IQSEC1: variants seen among roughly 807,000 people sequenced by gnomAD.
IQSEC1 encodes the protein IQ motif and SEC7 domain-containing protein 1.
In IQSEC1, 31 loss-of-function variants were observed where a neutral mutation model predicts 91.0. That is an observed-to-expected ratio of 0.34 (90% CI 0.26 to 0.46). The LOEUF (loss-of-function observed/expected upper bound fraction) is 0.46. Ranked by LOEUF, IQSEC1 falls within the 20% of genes least tolerant of loss-of-function variation. The pLI is 1.00. For synonymous variants in IQSEC1, 699 were observed against 662.6 expected, an observed-to-expected ratio of 1.05 and a Z score of -0.84; for missense variants, 1,388 against 1,575.6, an observed-to-expected ratio of 0.88 and a Z score of 2.02.
intron 1 of IQSEC1, among the ~76,000 whole-genome samples, chr3:12,963,317 G>T (rs1348783349): frequency 2.0e-5 from 3 of 152,248 alleles, no homozygotes; most frequent in Admixed American, 2.0e-4. Flanking sequence ...GAGCAGCGAA[G>T]CTGCAGGTAC....
At chr3:13,066,389 C>T (rs554216350) in intron 1 of IQSEC1, among the ~76,000 whole-genome samples, 3 of 152,360 alleles carry the variant, frequency 2.0e-5, no homozygotes, top group East Asian at 1.9e-4. Flanking sequence ...ACAGAGGGGC[C>T]GGCACTGTGT....
At chr3:13,093,250 G>T (rs73812881) in intron 2 of IQSEC1, among the ~76,000 whole-genome samples, 3,058 of 152,192 alleles carry the variant, frequency 0.02, 112 homozygotes, top group African/African-American at 0.069. Context: ...CTCAGCCAGA[G>T]CCTCAGCCCC....
chr3:13,240,826 C>T (rs1342738843), intron 1 of IQSEC1, among the ~76,000 whole-genome samples: 1 of 152,176 alleles, frequency 6.6e-6, no homozygotes, highest in Non-Finnish European at 1.5e-5. Context: ...ATGATAAATC[C>T]GACACACTTT....
intron 6 of IQSEC1, among the ~76,000 whole-genome samples, chr3:12,916,153 C>T (rs944263344): frequency 4.6e-5 from 7 of 152,210 alleles, no homozygotes; most frequent in Admixed American, 1.3e-4. Context: ...GGGGCCACGT[C>T]CTACTTTCAC....
intron 1 of IQSEC1, among the ~76,000 whole-genome samples, chr3:12,984,054 G>A (rs1181028469): frequency 6.6e-6 from 1 of 152,190 alleles, no homozygotes; most frequent in Non-Finnish European, 1.5e-5. Flanking sequence ...AGCTGGAACT[G>A]AGATAGGGAC....
At chr3:12,982,153 C>G (rs183683454) in intron 1 of IQSEC1, among the ~76,000 whole-genome samples, 1 of 152,122 alleles carries the variant, frequency 6.6e-6, no homozygotes, top group Non-Finnish European at 1.5e-5. Flanking sequence ...TGCCAAAATC[C>G]CCCCCATTCT....
intron 1 of IQSEC1, among the ~76,000 whole-genome samples, chr3:13,175,847 C>T (rs1693717962): frequency 6.6e-6 from 1 of 152,180 alleles, no homozygotes; most frequent in South Asian, 2.1e-4. Flanking sequence ...CCTCTCGGGT[C>T]CTTTATAAGG....
chr3:13,074,448 C>T (rs370378387), upstream of IQSEC1, among the ~76,000 whole-genome samples: 5 of 152,226 alleles, frequency 3.3e-5, no homozygotes, highest in African/African-American at 9.7e-5. Flanking sequence ...GTCTGATGTT[C>T]ATCTGATCCT....
At chr3:13,110,188 A>C (rs1706219913) in intron 2 of IQSEC1, among the ~76,000 whole-genome samples, 1 of 151,830 alleles carries the variant, frequency 6.6e-6, no homozygotes, top group South Asian at 2.1e-4. Flanking sequence ...GGCTGGATTA[A>C]ATTCGTTTTT....
At chr3:12,956,360 G>A (rs1397381772) in intron 1 of IQSEC1, among the ~76,000 whole-genome samples, 2 of 152,166 alleles carry the variant, frequency 1.3e-5, no homozygotes, top group East Asian at 1.9e-4. Flanking sequence ...ACCAATTCCC[G>A]AGAGGCAGGG....
intron 1 of IQSEC1, among the ~76,000 whole-genome samples, chr3:13,184,531 T>C (rs957586539): frequency 6.6e-5 from 10 of 152,050 alleles, no homozygotes; most frequent in Non-Finnish European, 2.9e-5. Flanking sequence ...TCCCCTAAGA[T>C]CGAGAACCGG....
At chr3:13,250,283 C>T (rs1454196470) in intron 1 of IQSEC1, among the ~76,000 whole-genome samples, 4 of 152,180 alleles carry the variant, frequency 2.6e-5, no homozygotes, top group Non-Finnish European at 5.9e-5. Flanking sequence ...CAGCGGCACA[C>T]ACAGGAAGCA....
At chr3:13,119,753 T>A (rs1706393547) in intron 2 of IQSEC1, among the ~76,000 whole-genome samples, 1 of 152,202 alleles carries the variant, frequency 6.6e-6, no homozygotes, top group African/African-American at 2.4e-5. Context: ...TTGTGATGGA[T>A]GACACCGAAG....
At chr3:13,125,449 G>T (rs879843899) in intron 2 of IQSEC1, among the ~76,000 whole-genome samples, 1 of 152,166 alleles carries the variant, frequency 6.6e-6, no homozygotes, top group Non-Finnish European at 1.5e-5. Flanking sequence ...CCTCCTTCAC[G>T]GTCTGTCCCG....
chr3:13,129,706 G>A (rs1054195030), intron 2 of IQSEC1, among the ~76,000 whole-genome samples: 3 of 143,740 alleles, frequency 2.1e-5, no homozygotes, highest in African/African-American at 7.9e-5. Context: ...TGCCCAGGCT[G>A]GAGTGCAGTG....
At chr3:13,086,218 G>A (rs1705731942) in intron 2 of IQSEC1, among the ~76,000 whole-genome samples, 1 of 152,196 alleles carries the variant, frequency 6.6e-6, no homozygotes. Flanking sequence ...GTTCCTATAT[G>A]GAAAATGGGA....
At chr3:13,110,350 G>A (rs1706222779) in intron 2 of IQSEC1, among the ~76,000 whole-genome samples, 1 of 151,872 alleles carries the variant, frequency 6.6e-6, no homozygotes, top group African/African-American at 2.4e-5. Context: ...CAGCACTTTG[G>A]GAGGCCAAGG....
chr3:12,975,973 T>A (rs1217612551), intron 1 of IQSEC1, among the ~76,000 whole-genome samples: 4 of 152,256 alleles, frequency 2.6e-5, no homozygotes, highest in Non-Finnish European at 4.4e-5. Flanking sequence ...GGCAGACTCC[T>A]GGCTCGGCTC....
chr3:12,958,493 C>A (rs1287931109), intron 1 of IQSEC1, among the ~76,000 whole-genome samples: 3 of 152,228 alleles, frequency 2.0e-5, no homozygotes, highest in Non-Finnish European at 4.4e-5. Flanking sequence ...ACACAAAATC[C>A]TCAGCCTGGG....
Sources: allele counts gnomAD v4.1 joint callset (sites outside exome capture counted in the v4.1 genomes callset), GRCh38; gene constraint gnomAD v4.1.1; transcripts MANE v1.5; gene names NCBI Gene and HGNC (gene_info 2026-07-23, HGNC 2026-07-21).